SMIM14: variants seen among roughly 807,000 people sequenced by gnomAD.
SMIM14 encodes small integral membrane protein 14, also known as chromosome 4 open reading frame 34.
A neutral mutation model predicts 12.6 loss-of-function variants in SMIM14; 5 were observed. The observed-to-expected ratio is 0.40, with a 90% CI of 0.21 to 0.83. The LOEUF is 0.83. Ranked by LOEUF, SMIM14 falls within the 40% of genes least tolerant of loss-of-function variation. The pLI is 0.37. For missense variants in SMIM14, 86 were observed against 119.1 expected (o/e 0.72, Z 1.29); for synonymous variants, 30 against 40.1 (o/e 0.75, Z 0.95).
chr4:39,575,085 T>TG (rs1331416785), intron 2 of SMIM14, among the ~76,000 whole-genome samples: 4 of 149,620 alleles, frequency 2.7e-5, no homozygotes, highest in African/African-American at 9.7e-5. Context: ...AATAGTTTTT[T>TG]TTTTTTTTTT....
rs71192876 is a variant in SMIM14 at position 39,572,277 on chromosome 4, C to CTTTT, written c.124+134_124+137dup. 233 of 210,682 alleles carry CTTTT rather than the reference C, an allele frequency of 1.1e-3. 12 individuals are homozygous for CTTTT. Among genetic ancestry groups the CTTTT allele is most frequent in the African/African-American group, 9.1e-3 (170 of 18,682 alleles). 13.1% of individuals were successfully genotyped at this position (210,682 alleles called of 1,614,324 possible). On this transcript the variant is annotated intron_variant, in intron 3 of 4. Coordinates refer to ENST00000295958, the MANE Select transcript of SMIM14 (RefSeq NM_174921.3). ...TAATTTCTTTTGTGCGTATGTGTCG[C>CTTTT]TTTTTTTTTTTTTTTTTTTTTTTTT...
intron 2 of SMIM14, among the ~76,000 whole-genome samples, chr4:39,576,660 G>GTATATATATATA (rs1298743756): frequency 2.3e-4 from 17 of 72,370 alleles, no homozygotes; most frequent in African/African-American, 7.8e-4. Context: ...GTGTGTATGT[G>GTATATATATATA]TATATATATA....
intron 1 of SMIM14, among the ~76,000 whole-genome samples, chr4:39,626,620 C>A (rs1367499510): frequency 1.3e-5 from 2 of 152,170 alleles, no homozygotes; most frequent in African/African-American, 4.8e-5. Flanking sequence ...CAAGAGCTTG[C>A]AATCAAGTTA....
intron 3 of SMIM14, among the ~76,000 whole-genome samples, chr4:39,569,732 G>A (rs955202892): frequency 6.6e-5 from 9 of 136,868 alleles, no homozygotes; most frequent in African/African-American, 2.7e-4. Context: ...GCGAGACTCT[G>A]TCTCAAAAAA....
intron 1 of SMIM14, among the ~76,000 whole-genome samples, chr4:39,622,130 C>G (rs1337977222): frequency 6.6e-6 from 1 of 152,162 alleles, no homozygotes; most frequent in Non-Finnish European, 1.5e-5. Context: ...GTTGCCCAGG[C>G]TGGAGTGCAG....
At position 39,594,608 on chromosome 4, in the gene SMIM14, G is replaced by C. The variant is rs1250641251; in HGVS notation, c.75+10463C>G. 2.0e-5 allele frequency: 3 copies of C among 148,570 alleles called. No individual in the cohort carries two copies. In the South Asian group the frequency reaches 6.6e-4, roughly 32 times the overall value. The allele number at this position is 148,570 out of a possible 1,614,324, so 9.2% of individuals were successfully genotyped here. ...CAGCAAAAGAAACTACCATCAGAGTGAACAGGCAACCTACAAAATGGGAGA... is the reference window on the plus strand; with the variant it reads ...CAGCAAAAGAAACTACCATCAGAGTCAACAGGCAACCTACAAAATGGGAGA... On this transcript the variant is annotated intron_variant, in intron 2 of 4. Transcript: ENST00000295958.
At chr4:39,564,466 T>C (rs1712472459) in intron 3 of SMIM14, among the ~76,000 whole-genome samples, 1 of 152,192 alleles carries the variant, frequency 6.6e-6, no homozygotes, top group Non-Finnish European at 1.5e-5. Flanking sequence ...ATTTCACATT[T>C]TCAGGTTAGG....
chr4:39,627,953 T>C (rs1043160938), intron 1 of SMIM14, among the ~76,000 whole-genome samples: 2 of 152,200 alleles, frequency 1.3e-5, no homozygotes, highest in Admixed American at 1.3e-4. Flanking sequence ...TTTTCTAAAA[T>C]TTCCACCCAA....
chr4:39,556,916 T>TTC, intron 3 of SMIM14, among the ~76,000 whole-genome samples: 1 of 152,122 alleles, frequency 6.6e-6, no homozygotes, highest in Admixed American at 6.6e-5. Flanking sequence ...GCCTCCTGAG[T>TTC]AGCTGGGACT....
intron 2 of SMIM14, among the ~76,000 whole-genome samples, chr4:39,591,361 G>A (rs1200168120): frequency 6.6e-6 from 1 of 151,770 alleles, no homozygotes; most frequent in African/African-American, 2.4e-5. Context: ...CCTGAGACAA[G>A]CAGAAGTATA....
At chr4:39,612,368 C>G (rs181553025) in intron 1 of SMIM14, among the ~76,000 whole-genome samples, 183 of 152,194 alleles carry the variant, frequency 1.2e-3, no homozygotes, top group African/African-American at 4.0e-3. Flanking sequence ...AATTCTCCCG[C>G]CTCAGCCTCC....
intron 2 of SMIM14, among the ~76,000 whole-genome samples, chr4:39,586,875 G>A (rs1312964076): frequency 3.3e-5 from 5 of 152,136 alleles, no homozygotes; most frequent in Middle Eastern, 3.4e-3. Context: ...CAAAGTTCTA[G>A]CTGATTTGGT....
chr4:39,615,608 T>C lies in SMIM14; in HGVS notation c.-35-10428A>G, dbSNP rs897619696. 8.5e-5 allele frequency among the ~76,000 whole-genome samples: 13 copies of C among 152,286 alleles called. 1 individual carries two copies. Among genetic ancestry groups the C allele is most frequent in the African/African-American group, 3.1e-4 (13 of 41,578 alleles). On this transcript the variant is annotated intron_variant, in intron 1 of 4. Transcript: ENST00000295958. Reference sequence around the variant, plus strand: ...CTGGTGTCGGATAGTAGGGAAGCTATGCATGTGTGGGGGCAGGGGATATAT... The same window carrying C: ...CTGGTGTCGGATAGTAGGGAAGCTACGCATGTGTGGGGGCAGGGGATATAT...
At chr4:39,600,585 G>A (rs1316711475) in intron 2 of SMIM14, among the ~76,000 whole-genome samples, 1 of 152,186 alleles carries the variant, frequency 6.6e-6, no homozygotes, top group Admixed American at 6.5e-5. Flanking sequence ...AGCTACTCAG[G>A]AGGCTGAGGC....
At chr4:39,600,639 G>A (rs1430134688) in intron 2 of SMIM14, among the ~76,000 whole-genome samples, 4 of 152,178 alleles carry the variant, frequency 2.6e-5, no homozygotes, top group East Asian at 1.9e-4. Flanking sequence ...GCAGTGAGCC[G>A]AGATGGCGCC....
chr4:39,581,538 C>T (rs1280071195), intron 2 of SMIM14, among the ~76,000 whole-genome samples: 3 of 104,112 alleles, frequency 2.9e-5, no homozygotes, highest in African/African-American at 9.5e-5. Flanking sequence ...TTTTTTGAGA[C>T]AGGGTCTTGA....
At chr4:39,557,954 A>G (rs551400739) in intron 3 of SMIM14, among the ~76,000 whole-genome samples, 4 of 152,262 alleles carry the variant, frequency 2.6e-5, no homozygotes, top group Admixed American at 2.6e-4. Context: ...GATATTTTAA[A>G]ATTTTATCAA....
intron 2 of SMIM14, among the ~76,000 whole-genome samples, chr4:39,604,470 G>T (rs970591952): frequency 6.6e-6 from 1 of 152,018 alleles, no homozygotes; most frequent in Non-Finnish European, 1.5e-5. Context: ...TCAGGAGGTG[G>T]AGGCTGTAGT....
At chr4:39,577,169 C>T (rs1315728477) in intron 2 of SMIM14, among the ~76,000 whole-genome samples, 4 of 151,988 alleles carry the variant, frequency 2.6e-5, no homozygotes, top group Admixed American at 6.6e-5. Context: ...CTCCTCCTTC[C>T]ACCAGGAGGA....
Sources: allele counts gnomAD v4.1 joint callset (sites outside exome capture counted in the v4.1 genomes callset), GRCh38; gene constraint gnomAD v4.1.1; transcripts MANE v1.5; gene names NCBI Gene and HGNC (gene_info 2026-07-23, HGNC 2026-07-21).